The following DAB2IP variants were observed in gnomAD, a reference collection of about 807,000 sequenced individuals.
DAB2IP encodes disabled homolog 2-interacting protein.
A neutral mutation model predicts 107.2 loss-of-function variants in DAB2IP; 28 were observed. That is an observed-to-expected ratio of 0.26 (90% confidence interval 0.19 to 0.36). The LOEUF is 0.36. DAB2IP is among the 10% of genes least tolerant of loss of function. The pLI is 1.00. For missense variants in DAB2IP, 1,400 were observed against 1,644.7 expected (o/e 0.85, Z 2.57); for synonymous variants, 755 against 706.4 (o/e 1.07, Z -1.09).
chr9:121,712,078 C>T (rs916013084), intron 3 of DAB2IP, among the ~76,000 whole-genome samples: 3 of 152,198 alleles, frequency 2.0e-5, no homozygotes, highest in Non-Finnish European at 2.9e-5. Context: ...ATAGGTTTGC[C>T]GGAGCTCTTC....
chr9:121,758,421 AAG>A (rs1207193516), intron 4 of DAB2IP, among the ~76,000 whole-genome samples: 1 of 152,174 alleles, frequency 6.6e-6, no homozygotes, highest in East Asian at 1.9e-4. Context: ...TGCTTGACGG[AAG>A]AGAACCCTCA....
intron 14 of DAB2IP, among the ~76,000 whole-genome samples, chr9:121,778,876 C>CT (rs59909340): frequency 1 from 150,821 of 151,050 alleles, 75,296 homozygotes; most frequent in South Asian, 1. Context: ...TTATAAGATA[C>CT]TTTTTTTTTA....
intron 1 of DAB2IP, among the ~76,000 whole-genome samples, chr9:121,658,381 C>T (rs1833055553): frequency 6.6e-6 from 1 of 152,148 alleles, no homozygotes; most frequent in African/African-American, 2.4e-5. Context: ...TTTCCCTCTG[C>T]CTCCTCTGTT....
At chr9:121,671,592 T>G (rs1342951120) in intron 1 of DAB2IP, among the ~76,000 whole-genome samples, 1 of 152,154 alleles carries the variant, frequency 6.6e-6, no homozygotes, top group Non-Finnish European at 1.5e-5. Context: ...TGTTTCCAGT[T>G]TTGGGGCTAT....
chr9:121,681,701 G>C (rs899963638), intron 2 of DAB2IP, among the ~76,000 whole-genome samples: 1 of 152,138 alleles, frequency 6.6e-6, no homozygotes, highest in Non-Finnish European at 1.5e-5. Flanking sequence ...TCCTTTCCTG[G>C]GCACCTTGGT....
chr9:121,774,688 G>A (rs1420331198), intron 13 of DAB2IP, among the ~76,000 whole-genome samples: 3 of 152,234 alleles, frequency 2.0e-5, no homozygotes, highest in Non-Finnish European at 2.9e-5. Flanking sequence ...GGACCTCTGG[G>A]AAGGCTCCTT....
chr9:121,753,746 G>A (rs937873843), intron 3 of DAB2IP, among the ~76,000 whole-genome samples: 2 of 152,210 alleles, frequency 1.3e-5, no homozygotes, highest in African/African-American at 4.8e-5. Context: ...GACTAGAGGT[G>A]GGTGCCTACA....
Position 121,772,679 on chromosome 9 carries a change from C to T in DAB2IP, c.2151C>T (p.Ser717=), listed in dbSNP as rs147918500. 654 of 1,614,036 alleles carry T rather than the reference C, an allele frequency of 4.1e-4. 1 individual carries two copies. The highest frequency in any genetic ancestry group is 4.9e-4 in the Non-Finnish European group (581 of 1,180,006). Reference sequence around the variant, plus strand: ...ACTTGTTTTTTGTCACAAGGTCCTCCGGGGTCCAGCCCTCACCTGCCCGCA... The same window carrying T: ...ACTTGTTTTTTGTCACAAGGTCCTCTGGGGTCCAGCCCTCACCTGCCCGCA... Residue 717 remains serine (S), a synonymous_variant, in exon 12 of 16, where the codon TCC becomes TCT. Transcript: ENST00000408936. The surrounding 1 kb of genome is among the most constrained non-coding windows in gnomAD (Gnocchi z 4.7).
chr9:121,654,755 C>T (rs1832906405), intron 1 of DAB2IP, among the ~76,000 whole-genome samples: 1 of 152,302 alleles, frequency 6.6e-6, no homozygotes, highest in Middle Eastern at 3.4e-3. Flanking sequence ...GGGCTTGGTC[C>T]CATGGTGTGG....
intron 1 of DAB2IP, among the ~76,000 whole-genome samples, chr9:121,661,701 G>A (rs1343022586): frequency 2.0e-5 from 3 of 152,214 alleles, no homozygotes; most frequent in East Asian, 1.9e-4. Flanking sequence ...TAATGTTTAC[G>A]GCCAGGCACC....
upstream of DAB2IP, among the ~76,000 whole-genome samples, chr9:121,651,438 C>T (rs1403584957): frequency 6.6e-6 from 1 of 152,118 alleles, no homozygotes; most frequent in Non-Finnish European, 1.5e-5. The surrounding 1 kb of genome is among the most constrained non-coding windows in gnomAD (Gnocchi z 5.1). Context: ...GGGGTGGGAG[C>T]CAGAACCCTC....
intron 1 of DAB2IP, among the ~76,000 whole-genome samples, chr9:121,642,014 TCTCTCTCTCTCTCTC>T (rs1564128733): frequency 5.6e-4 from 15 of 26,664 alleles, no homozygotes; most frequent in South Asian, 2.6e-3. Context: ...TCTCTCTCTC[TCTCTCTCTCTCTCTC>T]TCTTTCTTTC....
intron 1 of DAB2IP, among the ~76,000 whole-genome samples, chr9:121,639,883 A>G (rs1832218743): frequency 6.6e-6 from 1 of 152,186 alleles, no homozygotes; most frequent in Non-Finnish European, 1.5e-5. Flanking sequence ...CCCGCTGATG[A>G]AAAATGCAGA....
chr9:121,754,456 C>G (rs2118946178), intron 3 of DAB2IP, among the ~76,000 whole-genome samples: 1 of 152,266 alleles, frequency 6.6e-6, no homozygotes, highest in East Asian at 1.9e-4. Context: ...GCCCCTATTC[C>G]TCTTCCTCCC....
intron 1 of DAB2IP, among the ~76,000 whole-genome samples, chr9:121,582,607 C>G (rs1010130793): frequency 1.3e-5 from 2 of 152,036 alleles, no homozygotes; most frequent in African/African-American, 4.8e-5. Context: ...TGGCCACTGG[C>G]ACCCTGGGCA....
At chr9:121,758,314 G>A (rs1833638633) in intron 4 of DAB2IP, among the ~76,000 whole-genome samples, 1 of 152,178 alleles carries the variant, frequency 6.6e-6, no homozygotes. Context: ...GTCAGGGACT[G>A]GGGACCCTAG....
intron 1 of DAB2IP, among the ~76,000 whole-genome samples, chr9:121,581,176 C>A (rs965469821): frequency 3.9e-5 from 6 of 152,174 alleles, no homozygotes; most frequent in African/African-American, 1.4e-4. Flanking sequence ...TGGCTGCCCA[C>A]CTCTGGGAGC....
chr9:121,783,371 C>T (rs1835793355), exon 16 of DAB2IP: 2 of 1,517,120 alleles, frequency 1.3e-6, no homozygotes, highest in African/African-American at 1.4e-5. Flanking sequence ...CTGCCTTCTC[C>T]TGGGGCCCAG....
At chr9:121,735,510 C>A (rs1333863313) in intron 3 of DAB2IP, among the ~76,000 whole-genome samples, 1 of 152,210 alleles carries the variant, frequency 6.6e-6, no homozygotes, top group African/African-American at 2.4e-5. Context: ...CAAGGACTGA[C>A]CTGGGGTCTG....
Sources: gnomAD v4.1 joint callset for allele counts (sites outside exome capture counted in the v4.1 genomes callset) on GRCh38, gnomAD v4.1.1 for gene constraint, Gnocchi (gnomAD v3.1) non-coding constraint, MANE v1.5 for transcripts, NCBI Gene and HGNC (gene_info 2026-07-23, HGNC 2026-07-21) for gene names.